Variants in JMJD1C observed in about 807,000 individuals in gnomAD.
The protein encoded by JMJD1C is jumonji domain containing 1C.
A neutral mutation model predicts 245.3 loss-of-function variants in JMJD1C; 31 were observed. The ratio of observed to expected loss-of-function variants is 0.13; its 90% CI spans 0.09 to 0.17. The LOEUF (loss-of-function observed/expected upper bound fraction) is 0.17, where lower values mean the gene tolerates loss of function less well. Among genes scored for constraint, JMJD1C ranks in the 10% least tolerant of loss-of-function variants. The pLI, the probability that JMJD1C is intolerant of heterozygous loss-of-function variation, is 1.00. For synonymous variants in JMJD1C, 1,057 were observed against 1,017.4 expected (o/e 1.04, Z -0.74); for missense variants, 2,691 against 3,000.2 (o/e 0.90, Z 2.41).
intron 3 of JMJD1C, among the ~76,000 whole-genome samples, chr10:63,261,154 T>C (rs1854685799): frequency 1.3e-5 from 2 of 152,160 alleles, no homozygotes; most frequent in Non-Finnish European, 2.9e-5. Flanking sequence ...AGTGGCCTAA[T>C]TAATATATAT....
At chr10:63,292,501 T>C (rs966114426) in intron 2 of JMJD1C, among the ~76,000 whole-genome samples, 3 of 151,672 alleles carry the variant, frequency 2.0e-5, no homozygotes, top group African/African-American at 7.3e-5. Context: ...GTCCTAGCTA[T>C]TCAGGAGGCT....
chr10:63,249,540 G>C (rs980745126), intron 3 of JMJD1C, among the ~76,000 whole-genome samples: 1 of 152,112 alleles, frequency 6.6e-6, no homozygotes, highest in Non-Finnish European at 1.5e-5. Flanking sequence ...AGGTGGAAGA[G>C]AATAATTTGT....
intron 3 of JMJD1C, among the ~76,000 whole-genome samples, chr10:63,263,982 A>ACTCACACACACACACACACT (rs758099668): frequency 9.1e-6 from 1 of 109,946 alleles, no homozygotes; most frequent in African/African-American, 3.3e-5. Flanking sequence ...ACACACACAC[A>ACTCACACACACACACACACT]CACACACACA....
intron 2 of JMJD1C, among the ~76,000 whole-genome samples, chr10:63,318,476 C>T (rs181145619): frequency 1.3e-5 from 2 of 152,164 alleles, no homozygotes; most frequent in African/African-American, 2.4e-5. Flanking sequence ...CTTGAGTATA[C>T]TGAGTATATT....
intron 1 of JMJD1C, among the ~76,000 whole-genome samples, chr10:63,520,974 A>G (rs920168121): frequency 4.7e-4 from 71 of 152,190 alleles, no homozygotes; most frequent in African/African-American, 1.7e-3. Context: ...GGCACACCTC[A>G]AAGTCTTGGC....
intron 12 of JMJD1C, 95 bp from the exon 13 acceptor site, chr10:63,197,658 A>C: frequency 8.5e-7 from 1 of 1,175,088 alleles, no homozygotes. Context: ...ATGTAAAGGC[A>C]AACCAAGAAC....
chr10:63,173,264 A>G (rs530339164), intron 24 of JMJD1C, among the ~76,000 whole-genome samples: 1 of 152,364 alleles, frequency 6.6e-6, no homozygotes, highest in Admixed American at 6.5e-5. Context: ...CACTACATAC[A>G]AAGATGAACT....
At chr10:63,266,310 A>G (rs535427699) in intron 2 of JMJD1C, among the ~76,000 whole-genome samples, 1 of 152,254 alleles carries the variant, frequency 6.6e-6, no homozygotes, top group East Asian at 1.9e-4. Flanking sequence ...TTCAAAATAG[A>G]AAATCCTCAC....
intron 2 of JMJD1C, among the ~76,000 whole-genome samples, chr10:63,277,601 T>C (rs1344758481): frequency 6.6e-6 from 1 of 152,146 alleles, no homozygotes; most frequent in Non-Finnish European, 1.5e-5. Flanking sequence ...TGGTATATTC[T>C]GGTCTCTTAC....
At chr10:63,268,246 A>G (rs1855867438) in intron 2 of JMJD1C, among the ~76,000 whole-genome samples, 1 of 151,944 alleles carries the variant, frequency 6.6e-6, no homozygotes, top group South Asian at 2.1e-4. Flanking sequence ...AAAAAAAAAA[A>G]AAAGGACTGG....
intron 1 of JMJD1C, among the ~76,000 whole-genome samples, chr10:63,480,769 T>C (rs1056710575): frequency 1.4e-5 from 2 of 147,738 alleles, no homozygotes; most frequent in Non-Finnish European, 3.0e-5. Context: ...AAAAAAAAAA[T>C]GGAAATGGCA....
chr10:63,303,455 G>A (rs376636571), intron 2 of JMJD1C, among the ~76,000 whole-genome samples: 6 of 151,948 alleles, frequency 3.9e-5, no homozygotes, highest in Admixed American at 3.3e-4. Context: ...ACAGGCACGC[G>A]CCACCACACC....
chr10:63,424,392 T>C (rs1159308050), intron 1 of JMJD1C, among the ~76,000 whole-genome samples: 2 of 152,052 alleles, frequency 1.3e-5, no homozygotes, highest in Non-Finnish European at 2.9e-5. Context: ...AAAAACAAAA[T>C]GACACTTCTT....
chr10:63,465,478 G>T lies in JMJD1C; in HGVS notation c.168+17C>A, dbSNP rs1402619570. The T allele has an allele frequency of 6.3e-7, 1 of 1,585,462 alleles. No homozygotes were observed. The highest frequency in any genetic ancestry group is 1.7e-5 in the Admixed American group (1 of 58,398). ...TGCGGGCGCGGCAGGGGAAAAGGGG[G>T]GCGCTGACTCTCTTACCGCCAGGTC... On this transcript the variant is annotated intron_variant, in intron 1 of 25. Coordinates refer to ENST00000399262, the MANE Select transcript of JMJD1C (RefSeq NM_032776.3).
intron 1 of JMJD1C, among the ~76,000 whole-genome samples, chr10:63,430,323 A>T (rs1950673471): frequency 6.6e-6 from 1 of 152,244 alleles, no homozygotes; most frequent in African/African-American, 2.4e-5. Flanking sequence ...CACAAGTAAC[A>T]AAAGAAAACA....
chr10:63,362,547 A>C (rs1945480189), intron 2 of JMJD1C, among the ~76,000 whole-genome samples: 2 of 151,952 alleles, frequency 1.3e-5, no homozygotes, highest in South Asian at 4.2e-4. Flanking sequence ...TGGCACAATG[A>C]CAGCTCACTG....
rs372421463 is a variant in JMJD1C at position 63,214,882 on chromosome 10, T to C, written c.1285A>G (p.Asn429Asp). ...ATTTGATCCCAGGGAGGCTGGCTATTTTTTAGGGTCTCTTCTCCTGCCTTC... is the reference window on the plus strand; with the variant it reads ...ATTTGATCCCAGGGAGGCTGGCTATCTTTTAGGGTCTCTTCTCCTGCCTTC... ...NEKAGEETLKNSQPPWDQIQE... is the reference protein window; with the variant it reads ...NEKAGEETLKDSQPPWDQIQE... The change falls in exon 8 of 26, where the codon AAT (asparagine) becomes GAT (aspartate). Residue 429 changes from asparagine to aspartate, a missense_variant. Physicochemically the swap from Asn to Asp is conservative, Grantham distance 23. Coordinates refer to ENST00000399262, the MANE Select transcript of JMJD1C (RefSeq NM_032776.3). 3.7e-6 allele frequency: 6 copies of C among 1,613,766 alleles called. No homozygotes were observed. Among genetic ancestry groups the C allele is most frequent in the African/African-American group, 2.7e-5 (2 of 74,908 alleles).
At chr10:63,375,131 G>T (rs1036153087) in intron 2 of JMJD1C, among the ~76,000 whole-genome samples, 31 of 150,122 alleles carry the variant, frequency 2.1e-4, no homozygotes, top group African/African-American at 5.9e-4. Context: ...TTTCACCATT[G>T]ACTAGGATAT....
At chr10:63,370,993 G>A (rs917937470) in intron 2 of JMJD1C, among the ~76,000 whole-genome samples, 16 of 151,986 alleles carry the variant, frequency 1.1e-4, no homozygotes, top group African/African-American at 2.9e-4. Flanking sequence ...TATATTTTCC[G>A]TTGAGACAGG....
Sources: gnomAD v4.1 joint callset for allele counts (sites outside exome capture counted in the v4.1 genomes callset) on GRCh38, gnomAD v4.1.1 for gene constraint, MANE v1.5 for transcripts, NCBI Gene and HGNC (gene_info 2026-07-23, HGNC 2026-07-21) for gene names.